Variants in TSHZ3 observed in about 807,000 individuals in gnomAD.
TSHZ3 encodes teashirt zinc finger homeobox 3.
In TSHZ3, 10 loss-of-function variants were observed where a neutral mutation model predicts 64.5. The ratio of observed to expected loss-of-function variants is 0.16; its 90% CI spans 0.10 to 0.26. TSHZ3 has a LOEUF of 0.26. Ranked by LOEUF, TSHZ3 falls within the 10% of genes least tolerant of loss-of-function variation. The pLI is 1.00. For synonymous variants in TSHZ3, 608 were observed against 593.1 expected (o/e 1.03, Z -0.36); for missense variants, 1,242 against 1,421.7 (o/e 0.87, Z 2.03).
At chr19:31,323,892 A>T (rs992050757) in intron 1 of TSHZ3, among the ~76,000 whole-genome samples, 3 of 151,244 alleles carry the variant, frequency 2.0e-5, no homozygotes, top group Non-Finnish European at 3.0e-5. Flanking sequence ...ACACACACAC[A>T]CACACACACA....
intron 1 of TSHZ3, among the ~76,000 whole-genome samples, chr19:31,300,566 G>T (rs1976737237): frequency 6.6e-6 from 1 of 152,172 alleles, no homozygotes; most frequent in Non-Finnish European, 1.5e-5. Context: ...GGCCCCAGGA[G>T]AGCTGGCCCA....
chr19:31,249,373 T>C (rs2145190251), intron 1 of TSHZ3, among the ~76,000 whole-genome samples: 1 of 152,236 alleles, frequency 6.6e-6, no homozygotes, highest in South Asian at 2.1e-4. Flanking sequence ...AAGACTGATA[T>C]GAAGATGGTC....
At chr19:31,348,531 C>A (rs765114632) in intron 1 of TSHZ3, among the ~76,000 whole-genome samples, 1 of 146,284 alleles carries the variant, frequency 6.8e-6, no homozygotes, top group Non-Finnish European at 1.5e-5. Context: ...AAGTGCTATG[C>A]GGAGATGAGG....
intron 1 of TSHZ3, among the ~76,000 whole-genome samples, chr19:31,285,232 G>C (rs1976435432): frequency 6.6e-6 from 1 of 152,104 alleles, no homozygotes; most frequent in Non-Finnish European, 1.5e-5. Flanking sequence ...TGTAATCCCA[G>C]CATTTGGGAG....
intron 3 of TSHZ3, among the ~76,000 whole-genome samples, chr19:31,231,388 C>G (rs1471122681): frequency 6.6e-6 from 1 of 152,116 alleles, no homozygotes; most frequent in Non-Finnish European, 1.5e-5. Flanking sequence ...AGCATTTTTC[C>G]AAACCCACAT....
upstream of TSHZ3, among the ~76,000 whole-genome samples, chr19:31,350,822 A>G (rs1438523046): frequency 6.8e-6 from 1 of 147,046 alleles, no homozygotes; most frequent in Non-Finnish European, 1.5e-5. Flanking sequence ...GCGGCGGCGC[A>G]TCGATGCGCT....
intron 6 of TSHZ3, among the ~76,000 whole-genome samples, chr19:31,155,435 G>A (rs1410971430): frequency 6.6e-6 from 1 of 152,208 alleles, no homozygotes; most frequent in East Asian, 1.9e-4. Context: ...CTTCGTTGTA[G>A]GAAAGTGACC....
intron 1 of TSHZ3, among the ~76,000 whole-genome samples, chr19:31,334,447 G>A (rs547102429): frequency 1.2e-4 from 18 of 152,218 alleles, no homozygotes; most frequent in African/African-American, 3.4e-4. Context: ...TAACAATTGC[G>A]TCTTATGCAA....
intron 3 of TSHZ3, among the ~76,000 whole-genome samples, chr19:31,234,062 G>A (rs975168910): frequency 6.6e-6 from 1 of 152,084 alleles, no homozygotes; most frequent in Middle Eastern, 3.4e-3. Flanking sequence ...ATGTCTTTCA[G>A]TTAATTTAGC....
At chr19:31,171,840 G>C (rs1974539022) in intron 5 of TSHZ3, among the ~76,000 whole-genome samples, 1 of 152,056 alleles carries the variant, frequency 6.6e-6, no homozygotes, top group Admixed American at 6.6e-5. Flanking sequence ...TTCTGCCCCA[G>C]GCCTTTCCCT....
At chr19:31,165,024 G>T (rs534065245) in intron 5 of TSHZ3, among the ~76,000 whole-genome samples, 9 of 152,318 alleles carry the variant, frequency 5.9e-5, no homozygotes. Flanking sequence ...CGGGGATGAT[G>T]CCAGGGCCGG....
At chr19:31,307,310 C>T (rs897805398) in intron 1 of TSHZ3, among the ~76,000 whole-genome samples, 1 of 151,792 alleles carries the variant, frequency 6.6e-6, no homozygotes, top group Non-Finnish European at 1.5e-5. Context: ...GCTTAGTGCT[C>T]CCCCTCCCCA....
chr19:31,278,668 T>A lies in TSHZ3; in HGVS notation c.1125A>T (p.Ala375=), dbSNP rs752245787. The change falls in exon 2 of 2, where the codon GCA becomes GCT. Residue 375 remains alanine, a synonymous_variant. Coordinates refer to ENST00000240587, the MANE Select transcript of TSHZ3 (RefSeq NM_020856.4). This position sits in a 1 kb window ranked among gnomAD's most constrained non-coding sequence, Gnocchi z 4.7. ...GCGACTTCCGGGCCTCAAAGTGCCA[T>A]GCATAGCTGGCCCCATTCTGGTGGC... ...RYGHQNGASY[A]WHFEARKSQI... 24 of 1,614,198 alleles carry A rather than the reference T, an allele frequency of 1.5e-5. No homozygotes were observed. The highest frequency in any genetic ancestry group is 2.0e-5 in the Non-Finnish European group (24 of 1,180,036).
intron 1 of TSHZ3, among the ~76,000 whole-genome samples, chr19:31,312,826 TCC>T (rs1490607908): frequency 6.6e-6 from 1 of 152,054 alleles, no homozygotes; most frequent in Non-Finnish European, 1.5e-5. Context: ...CACTTGCTAA[TCC>T]CCCTTTTTAA....
chr19:31,331,857 G>A (rs1367457219), intron 1 of TSHZ3, among the ~76,000 whole-genome samples: 8 of 152,174 alleles, frequency 5.3e-5, no homozygotes, highest in South Asian at 2.1e-4. Context: ...AGGGCAGAGC[G>A]GCTGGGCCCC....
intron 5 of TSHZ3, among the ~76,000 whole-genome samples, chr19:31,161,261 A>T (rs1332038609): frequency 6.6e-6 from 1 of 152,176 alleles, no homozygotes; most frequent in Non-Finnish European, 1.5e-5. Flanking sequence ...GATTTCCTAC[A>T]GTGTATTTAA....
chr19:31,343,829 T>C (rs1415509021), intron 1 of TSHZ3, among the ~76,000 whole-genome samples: 1 of 152,034 alleles, frequency 6.6e-6, no homozygotes, highest in Non-Finnish European at 1.5e-5. Context: ...AAAATATTGA[T>C]AGCCATTGTT....
intron 4 of TSHZ3, among the ~76,000 whole-genome samples, chr19:31,205,368 A>G (rs1347982086): frequency 2.0e-5 from 3 of 152,026 alleles, no homozygotes; most frequent in Non-Finnish European, 2.9e-5. Context: ...TTTTTATTCC[A>G]TTATGGACAG....
chr19:31,183,457 A>T (rs550033241), intron 5 of TSHZ3, among the ~76,000 whole-genome samples: 48 of 152,316 alleles, frequency 3.2e-4, no homozygotes, highest in South Asian at 6.2e-4. Context: ...AGAATCAGAA[A>T]ACGAAACACT....
Sources: allele counts gnomAD v4.1 joint callset (sites outside exome capture counted in the v4.1 genomes callset), GRCh38; gene constraint gnomAD v4.1.1; non-coding constraint Gnocchi (gnomAD v3.1); transcripts MANE v1.5; gene names NCBI Gene and HGNC (gene_info 2026-07-23, HGNC 2026-07-21).